The following MACROD2 variants were observed in gnomAD, a reference collection of about 807,000 sequenced individuals.
MACROD2 encodes mono-ADP ribosylhydrolase 2, also known as ADP-ribose glycohydrolase MACROD2.
Under a neutral mutation model 70.4 loss-of-function variants are expected in MACROD2, and 36 were observed. That is an observed-to-expected ratio of 0.51 (90% CI 0.39 to 0.68). MACROD2 has a LOEUF of 0.68. Among genes scored for constraint, MACROD2 ranks in the 30% least tolerant of loss-of-function variants. The probability of loss-of-function intolerance (pLI) is 0.00; values close to 1 mark genes in which losing one functional copy is unlikely to be tolerated. For missense variants in MACROD2, 496 were observed against 538.4 expected (o/e 0.92, Z 0.78); for synonymous variants, 172 against 178.8 (o/e 0.96, Z 0.30).
At chr20:14,230,654 T>TATATATATATATATA in intron 3 of MACROD2, among the ~76,000 whole-genome samples, 1 of 74,240 alleles carries the variant, frequency 1.3e-5, no homozygotes, top group African/African-American at 6.8e-5. Flanking sequence ...TATATATATA[T>TATATATATATATATA]AACACAGGCT....
At chr20:15,085,107 A>G (rs1028903628) in intron 5 of MACROD2, among the ~76,000 whole-genome samples, 2 of 152,170 alleles carry the variant, frequency 1.3e-5, no homozygotes, top group Non-Finnish European at 2.9e-5. Context: ...TCCTCACATA[A>G]TGGTCCATTG....
intron 5 of MACROD2, among the ~76,000 whole-genome samples, chr20:14,918,781 C>T (rs1276454259): frequency 6.6e-6 from 1 of 152,000 alleles, no homozygotes; most frequent in Non-Finnish European, 1.5e-5. Context: ...ATCATGTTTC[C>T]AATTTGTCAA....
chr20:15,806,386 C>T (rs2063769739), intron 8 of MACROD2, among the ~76,000 whole-genome samples: 1 of 152,156 alleles, frequency 6.6e-6, no homozygotes, highest in African/African-American at 2.4e-5. Context: ...CACCAGTCCT[C>T]ACTTAGCACA....
At chr20:15,959,291 C>T (rs2066024766) in intron 12 of MACROD2, among the ~76,000 whole-genome samples, 2 of 152,104 alleles carry the variant, frequency 1.3e-5, no homozygotes, top group Admixed American at 6.5e-5. Context: ...ACCAGATGTC[C>T]CCTGATTTTT....
chr20:14,126,109 T>C (rs1601252445), intron 3 of MACROD2, among the ~76,000 whole-genome samples: 1 of 152,168 alleles, frequency 6.6e-6, no homozygotes, highest in East Asian at 1.9e-4. Context: ...CAAAATACCA[T>C]AGATGGGGTG....
At chr20:15,799,036 T>C (rs1013600444) in intron 8 of MACROD2, among the ~76,000 whole-genome samples, 4 of 152,218 alleles carry the variant, frequency 2.6e-5, no homozygotes, top group African/African-American at 9.6e-5. Flanking sequence ...ATTTCTTTTG[T>C]GTGTAAGAGT....
At chr20:15,977,438 T>C (rs1362942838) in intron 13 of MACROD2, among the ~76,000 whole-genome samples, 1 of 152,230 alleles carries the variant, frequency 6.6e-6, no homozygotes, top group Non-Finnish European at 1.5e-5. Flanking sequence ...TCCAGTTATC[T>C]TTATTCCCAT....
chr20:14,076,931 G>T (rs1239920566), intron 2 of MACROD2, among the ~76,000 whole-genome samples: 1 of 152,026 alleles, frequency 6.6e-6, no homozygotes, highest in African/African-American at 2.4e-5. Context: ...ACATTGAATT[G>T]CTTTATAGCC....
At chr20:15,091,468 A>G (rs905210642) in intron 5 of MACROD2, among the ~76,000 whole-genome samples, 1 of 152,176 alleles carries the variant, frequency 6.6e-6, no homozygotes, top group Non-Finnish European at 1.5e-5. Context: ...AGAGTTTAGG[A>G]AACATTGTTA....
chr20:14,447,236 T>G (rs1600245726), intron 3 of MACROD2, among the ~76,000 whole-genome samples: 1 of 152,188 alleles, frequency 6.6e-6, no homozygotes, highest in Admixed American at 6.5e-5. Flanking sequence ...GCCAAGCTAG[T>G]CTTGTACTCC....
chr20:13,999,283 G>A (rs910098292), intron 1 of MACROD2, among the ~76,000 whole-genome samples: 1 of 152,108 alleles, frequency 6.6e-6, no homozygotes. Context: ...AGGGCTTCAC[G>A]TGAACTTGGA....
intron 5 of MACROD2, among the ~76,000 whole-genome samples, chr20:14,852,501 G>C (rs2073209978): frequency 6.6e-6 from 1 of 152,114 alleles, no homozygotes; most frequent in South Asian, 2.1e-4. Context: ...AGAGGGAATA[G>C]TGGTATTAGT....
chr20:14,891,380 A>T lies in MACROD2; in HGVS notation c.418+206421A>T, dbSNP rs200634252. Among the ~76,000 whole-genome samples, 9 of 152,292 alleles carry T rather than the reference A, an allele frequency of 5.9e-5. No individual in the cohort carries two copies. In the East Asian group the frequency reaches 1.7e-3, roughly 29 times the overall value. ...AAAAGTATTAGTAACTTATTTTATC[A>T]TGTCTTGGTAATTGAAAGTAAGTCA... is the stretch of plus-strand genomic sequence containing the variant. On this transcript the variant is annotated intron_variant, in intron 5 of 17. Transcript: ENST00000684519.
chr20:15,894,702 CCTT>C (rs1230532562), intron 10 of MACROD2, among the ~76,000 whole-genome samples: 1 of 152,186 alleles, frequency 6.6e-6, no homozygotes, highest in Non-Finnish European at 1.5e-5. Context: ...ACTGGCCTGG[CCTT>C]CTGTCAGTGA....
At chr20:15,613,277 TA>T (rs768077250) in intron 8 of MACROD2, among the ~76,000 whole-genome samples, 3 of 152,210 alleles carry the variant, frequency 2.0e-5, no homozygotes, top group Non-Finnish European at 4.4e-5. Flanking sequence ...CGTCTTTGTC[TA>T]CTTATTATGA....
At chr20:15,004,144 C>A (rs890099637) in intron 5 of MACROD2, among the ~76,000 whole-genome samples, 2 of 152,204 alleles carry the variant, frequency 1.3e-5, no homozygotes, top group African/African-American at 2.4e-5. Context: ...CTAACTCTCT[C>A]CCATGTGGTG....
At chr20:14,636,102 A>G (rs1305580837) in intron 4 of MACROD2, among the ~76,000 whole-genome samples, 2 of 152,156 alleles carry the variant, frequency 1.3e-5, no homozygotes, top group Non-Finnish European at 2.9e-5. Context: ...ATGTAATTCT[A>G]TTGCTCATTA....
At chr20:14,976,176 T>C (rs1455470751) in intron 5 of MACROD2, among the ~76,000 whole-genome samples, 1 of 152,178 alleles carries the variant, frequency 6.6e-6, no homozygotes, top group Non-Finnish European at 1.5e-5. Flanking sequence ...CTTACTCTTG[T>C]AACAAATTAC....
chr20:15,714,052 G>A lies in MACROD2; in HGVS notation c.646-148693G>A, dbSNP rs147077070. Among the ~76,000 whole-genome samples the A allele has an allele frequency of 3.4e-5, 5 of 148,830 alleles. No individual in the cohort carries two copies. The East Asian group carries it at 1.0e-3, about 30-fold the overall frequency. On this transcript the variant is annotated intron_variant, in intron 8 of 17. Coordinates refer to ENST00000684519, the MANE Select transcript of MACROD2 (RefSeq NM_001351661.2). ...ACACACGGTATAAATGATGGAAAAAGAGGCAGTGGTTTATAACCATGCCCC... is the reference window on the plus strand; with the variant it reads ...ACACACGGTATAAATGATGGAAAAAAAGGCAGTGGTTTATAACCATGCCCC...
Sources: gnomAD v4.1 joint callset for allele counts (sites outside exome capture counted in the v4.1 genomes callset) on GRCh38, gnomAD v4.1.1 for gene constraint, MANE v1.5 for transcripts, NCBI Gene and HGNC (gene_info 2026-07-23, HGNC 2026-07-21) for gene names.